EYS: variants seen among roughly 807,000 people sequenced by gnomAD.
EYS encodes the protein EGF-like photoreceptor maintenance factor.
Under a neutral mutation model 282.1 loss-of-function variants are expected in EYS, and 250 were observed. The observed-to-expected ratio is 0.89, with a 90% CI of 0.80 to 0.98. The LOEUF (loss-of-function observed/expected upper bound fraction) is 0.98, where lower values mean the gene tolerates loss of function less well. Among genes scored for constraint, EYS ranks in the 50% least tolerant of loss-of-function variants. The probability of loss-of-function intolerance (pLI) is 0.00; values close to 1 mark genes in which losing one functional copy is unlikely to be tolerated. For missense variants in EYS, 4,016 were observed against 3,709.0 expected (o/e 1.08, Z -2.15); for synonymous variants, 1,355 against 1,282.9 (o/e 1.06, Z -1.20).
intron 19 of EYS, among the ~76,000 whole-genome samples, chr6:64,886,459 C>T: frequency 6.6e-6 from 1 of 151,840 alleles, no homozygotes; most frequent in East Asian, 1.9e-4. Context: ...GATACATTTA[C>T]TGTAAAAGAT....
At chr6:64,668,757 C>T (rs1562123725) in intron 22 of EYS, among the ~76,000 whole-genome samples, 2 of 151,212 alleles carry the variant, frequency 1.3e-5, no homozygotes, top group South Asian at 2.1e-4. Context: ...TAAGTAGAGA[C>T]GGGGTTTCAG....
At chr6:65,496,660 A>G (rs1022583065) in intron 2 of EYS, among the ~76,000 whole-genome samples, 1 of 152,082 alleles carries the variant, frequency 6.6e-6, no homozygotes, top group African/African-American at 2.4e-5. Flanking sequence ...TGGAATGACT[A>G]CGTAAACATA....
chr6:64,464,690 A>G (rs1775860249), intron 26 of EYS, among the ~76,000 whole-genome samples: 1 of 152,060 alleles, frequency 6.6e-6, no homozygotes, highest in Admixed American at 6.5e-5. Flanking sequence ...GATATAACAA[A>G]TGTTTCCTAC....
chr6:65,093,924 C>T (rs995887834), intron 12 of EYS, among the ~76,000 whole-genome samples: 2 of 151,496 alleles, frequency 1.3e-5, no homozygotes, highest in Non-Finnish European at 3.0e-5. Flanking sequence ...GGCTAAAAGT[C>T]AAGAGATGGA....
At chr6:65,416,535 CTTCTA>C (rs1767244565) in intron 5 of EYS, among the ~76,000 whole-genome samples, 2 of 151,780 alleles carry the variant, frequency 1.3e-5, no homozygotes, top group Non-Finnish European at 2.9e-5. Flanking sequence ...CATAATGGGG[CTTCTA>C]TAAAACAAAC....
intron 35 of EYS, among the ~76,000 whole-genome samples, chr6:63,893,429 G>A (rs943858665): frequency 1.3e-5 from 2 of 152,120 alleles, no homozygotes; most frequent in Admixed American, 6.5e-5. Flanking sequence ...CCTGTGCAGG[G>A]ACAAGGATGA....
At chr6:65,628,817 G>A (rs1383667826) in intron 2 of EYS, among the ~76,000 whole-genome samples, 2 of 152,140 alleles carry the variant, frequency 1.3e-5, no homozygotes, top group South Asian at 4.1e-4. Context: ...GAGGGTCCGC[G>A]GCTTCATTCT....
intron 34 of EYS, among the ~76,000 whole-genome samples, chr6:63,996,481 A>G (rs1188595938): frequency 1.3e-5 from 2 of 152,140 alleles, no homozygotes; most frequent in Non-Finnish European, 2.9e-5. Flanking sequence ...TTGCAATAGA[A>G]TAAAGGAAAA....
chr6:64,301,595 T>A (rs1249962556), intron 30 of EYS, among the ~76,000 whole-genome samples: 1 of 152,180 alleles, frequency 6.6e-6, no homozygotes, highest in Non-Finnish European at 1.5e-5. Context: ...TAGGTTATGA[T>A]CCTGATATCA....
At chr6:64,343,857 A>T (rs552542704) in intron 29 of EYS, among the ~76,000 whole-genome samples, 17 of 152,278 alleles carry the variant, frequency 1.1e-4, no homozygotes, top group African/African-American at 4.1e-4. Context: ...AGACGCAATA[A>T]AAAATGATAA....
intron 2 of EYS, among the ~76,000 whole-genome samples, chr6:65,581,496 G>A (rs1462238782): frequency 6.6e-6 from 1 of 151,986 alleles, no homozygotes; most frequent in Non-Finnish European, 1.5e-5. Context: ...TTTTGCCAGG[G>A]AAACACAATA....
intron 36 of EYS, among the ~76,000 whole-genome samples, chr6:63,842,054 G>T (rs1036606509): frequency 4.6e-5 from 7 of 152,180 alleles, no homozygotes. Flanking sequence ...TGTGAATAGT[G>T]CTGAAACAGT....
intron 16 of EYS, among the ~76,000 whole-genome samples, chr6:64,904,544 T>C (rs905340403): frequency 1.3e-5 from 2 of 152,178 alleles, no homozygotes; most frequent in East Asian, 3.9e-4. Flanking sequence ...TCTTTAAGTA[T>C]TTGATTGAGG....
At chr6:65,002,417 A>G (rs1771495143) in intron 13 of EYS, among the ~76,000 whole-genome samples, 1 of 147,686 alleles carries the variant, frequency 6.8e-6, no homozygotes. Flanking sequence ...CAGCTGGCAC[A>G]ATGTTAGAAA....
intron 23 of EYS, among the ~76,000 whole-genome samples, chr6:64,625,878 AG>A (rs1156713781): frequency 6.6e-6 from 1 of 152,194 alleles, no homozygotes; most frequent in East Asian, 1.9e-4. Flanking sequence ...TCCATCAATA[AG>A]GTATTACACT....
intron 5 of EYS, among the ~76,000 whole-genome samples, chr6:65,415,247 G>A (rs9453296): frequency 8.4e-4 from 128 of 152,074 alleles, no homozygotes; most frequent in African/African-American, 2.9e-3. Context: ...CAATTCAAAG[G>A]ATGGTCCCTT....
intron 2 of EYS, among the ~76,000 whole-genome samples, chr6:65,622,611 G>T (rs1766549483): frequency 6.6e-6 from 1 of 151,932 alleles, no homozygotes; most frequent in African/African-American, 2.4e-5. Flanking sequence ...ATAAATATTT[G>T]GGATACCTGG....
At chr6:65,275,323 C>A (rs1038439247) in intron 12 of EYS, among the ~76,000 whole-genome samples, 2 of 152,162 alleles carry the variant, frequency 1.3e-5, no homozygotes, top group African/African-American at 4.8e-5. Context: ...AACCATGTGA[C>A]CTGAGTTTCC....
At chr6:64,318,090 A>G (rs1411469267) in intron 29 of EYS, among the ~76,000 whole-genome samples, 2 of 152,020 alleles carry the variant, frequency 1.3e-5, no homozygotes, top group African/African-American at 4.8e-5. Flanking sequence ...TGGCGGGTTG[A>G]TGGGTGGAGA....
Sources: gnomAD v4.1 joint callset for allele counts (sites outside exome capture counted in the v4.1 genomes callset) on GRCh38, gnomAD v4.1.1 for gene constraint, MANE v1.5 for transcripts, NCBI Gene and HGNC (gene_info 2026-07-23, HGNC 2026-07-21) for gene names.